ROBO2: variants seen among roughly 807,000 people sequenced by gnomAD.
ROBO2 encodes the protein roundabout homolog 2.
ROBO2 carries 53 observed loss-of-function variants against 160.8 expected under a neutral mutation model. The ratio of observed to expected loss-of-function variants is 0.33; its 90% CI spans 0.26 to 0.41. ROBO2 has a LOEUF of 0.41. ROBO2 is among the 10% of genes least tolerant of loss of function. The pLI is 1.00. For missense variants in ROBO2, 1,577 were observed against 1,722.4 expected (o/e 0.92, Z 1.49); for synonymous variants, 664 against 611.7 (o/e 1.09, Z -1.26).
intron 2 of ROBO2, among the ~76,000 whole-genome samples, chr3:76,345,464 A>T (rs1441711301): frequency 7.0e-6 from 1 of 143,014 alleles, no homozygotes; most frequent in Non-Finnish European, 1.5e-5. Flanking sequence ...TTTTTTAAGC[A>T]CAGGGGAAAT....
chr3:76,761,404 G>T (rs1355368554), intron 2 of ROBO2, among the ~76,000 whole-genome samples: 4 of 151,650 alleles, frequency 2.6e-5, no homozygotes, highest in African/African-American at 9.7e-5. Flanking sequence ...CAGTTTAAGT[G>T]AGCTGCCTCG....
rs141187920 is a variant in ROBO2, at chr3:76,246,435, A to G, written c.109+308833A>G. ...GAAAACTAATTAGTAAATAAATGTC[A>G]TGTCATGTCTGATTAGTTACTCAGC... is the stretch of plus-strand genomic sequence containing the variant. On this transcript the variant is annotated intron_variant, in intron 2 of 26. Coordinates refer to the ROBO2 transcript ENST00000487694. Among the ~76,000 whole-genome samples the G allele has an allele frequency of 3.5e-3, 526 of 152,256 alleles. 6 individuals carry two copies. The highest frequency in any genetic ancestry group is 0.025 in the Admixed American group (379 of 15,276).
chr3:75,958,764 G>A (rs1948804926), intron 2 of ROBO2, among the ~76,000 whole-genome samples: 2 of 151,682 alleles, frequency 1.3e-5, no homozygotes, highest in South Asian at 2.1e-4. Context: ...TATATCTTTA[G>A]TAGACCTGTT....
intron 2 of ROBO2, among the ~76,000 whole-genome samples, chr3:77,388,267 C>T (rs2153495879): frequency 6.6e-6 from 1 of 152,102 alleles, no homozygotes; most frequent in African/African-American, 2.4e-5. Flanking sequence ...AGATTTTTGG[C>T]ACCAGGCATG....
intron 2 of ROBO2, among the ~76,000 whole-genome samples, chr3:76,503,967 T>G (rs112259096): frequency 3.3e-5 from 5 of 152,254 alleles, no homozygotes; most frequent in African/African-American, 1.2e-4. Flanking sequence ...AAAATCATTA[T>G]GTAGATAACT....
At chr3:76,905,006 A>G (rs1339344492) in intron 2 of ROBO2, among the ~76,000 whole-genome samples, 1 of 152,202 alleles carries the variant, frequency 6.6e-6, no homozygotes, top group African/African-American at 2.4e-5. Context: ...TTTAGGAAAC[A>G]TACAGGCTAC....
At chr3:77,484,830 A>C (rs1027352873) in intron 4 of ROBO2, among the ~76,000 whole-genome samples, 1 of 151,990 alleles carries the variant, frequency 6.6e-6, no homozygotes, top group East Asian at 1.9e-4. Context: ...ATTGACTGTG[A>C]GTTGAATGTT....
At chr3:76,205,354 G>A (rs1230988645) in intron 2 of ROBO2, among the ~76,000 whole-genome samples, 3 of 152,096 alleles carry the variant, frequency 2.0e-5, no homozygotes, top group African/African-American at 7.2e-5. Flanking sequence ...GGAGAGGCTG[G>A]TAAGTACCTT....
At chr3:77,272,851 C>G (rs1243873026) in intron 2 of ROBO2, among the ~76,000 whole-genome samples, 1 of 151,960 alleles carries the variant, frequency 6.6e-6, no homozygotes, top group African/African-American at 2.4e-5. Flanking sequence ...TAGAAAGTAT[C>G]CTTATTTTAT....
chr3:77,408,282 G>C (rs901184306), intron 2 of ROBO2, among the ~76,000 whole-genome samples: 1 of 152,064 alleles, frequency 6.6e-6, no homozygotes, highest in Non-Finnish European at 1.5e-5. Flanking sequence ...TTGTTTGTGC[G>C]TGTGTATGTG....
intron 2 of ROBO2, among the ~76,000 whole-genome samples, chr3:77,348,258 C>T (rs578257678): frequency 3.2e-4 from 48 of 152,226 alleles, no homozygotes; most frequent in Admixed American, 7.2e-4. Flanking sequence ...CAGCTGGTTG[C>T]CCATTTTTAT....
chr3:77,643,531 C>A (rs970104225), intron 24 of ROBO2, among the ~76,000 whole-genome samples: 1 of 152,096 alleles, frequency 6.6e-6, no homozygotes, highest in Non-Finnish European at 1.5e-5. Flanking sequence ...GGAAATGTCA[C>A]AGAAATAAAT....
intron 2 of ROBO2, among the ~76,000 whole-genome samples, chr3:77,291,106 G>A (rs201788510): frequency 6.6e-6 from 1 of 151,092 alleles, no homozygotes; most frequent in Non-Finnish European, 1.5e-5. Flanking sequence ...AAACGGGTAA[G>A]CTGAGGCTAG....
intron 2 of ROBO2, among the ~76,000 whole-genome samples, chr3:77,200,322 T>TATATATATATA (rs2082782226): frequency 7.8e-5 from 5 of 63,956 alleles, no homozygotes; most frequent in South Asian, 5.5e-4. Context: ...TATATATATA[T>TATATATATATA]TTTAGTTTCT....
At chr3:76,999,342 AC>A (rs765539198) in intron 2 of ROBO2, among the ~76,000 whole-genome samples, 16 of 151,804 alleles carry the variant, frequency 1.1e-4, no homozygotes, top group Non-Finnish European at 1.9e-4. Context: ...AAAAGCGATA[AC>A]CCCCTTGTAG....
intron 2 of ROBO2, among the ~76,000 whole-genome samples, chr3:76,203,776 T>TC (rs1702671756): frequency 6.7e-6 from 1 of 150,258 alleles, no homozygotes. Context: ...GCTAGCGGCT[T>TC]CCCGGTCAAC....
At chr3:77,468,339 G>C (rs1023111549) in intron 2 of ROBO2, among the ~76,000 whole-genome samples, 2 of 152,156 alleles carry the variant, frequency 1.3e-5, no homozygotes, top group African/African-American at 4.8e-5. Context: ...GTCTGCCGTG[G>C]TCAGATGTCA....
intron 2 of ROBO2, among the ~76,000 whole-genome samples, chr3:76,493,226 C>T (rs1015865461): frequency 1.3e-5 from 2 of 151,304 alleles, no homozygotes; most frequent in African/African-American, 2.4e-5. Context: ...CTAAGCTCAG[C>T]CAACAGCACA....
chr3:77,292,726 ATGGTT>A (rs2061462045), intron 2 of ROBO2, among the ~76,000 whole-genome samples: 1 of 98,306 alleles, frequency 1.0e-5, no homozygotes. Flanking sequence ...AGTAAAATTG[ATGGTT>A]AAACGGGAAG....
Sources: gnomAD v4.1 joint callset for allele counts (sites outside exome capture counted in the v4.1 genomes callset) on GRCh38, gnomAD v4.1.1 for gene constraint, MANE v1.5 for transcripts, NCBI Gene and HGNC (gene_info 2026-07-23, HGNC 2026-07-21) for gene names.